The following CS variants were observed in gnomAD, a reference collection of about 807,000 sequenced individuals.
The protein encoded by CS is citrate synthase, mitochondrial.
A neutral mutation model predicts 61.4 loss-of-function variants in CS; 13 were observed. That is an observed-to-expected ratio of 0.21 (90% CI 0.14 to 0.34). The LOEUF is 0.34. Ranked by LOEUF, CS falls within the 10% of genes least tolerant of loss-of-function variation. CS has a pLI of 1.00. For synonymous variants in CS, 159 were observed against 215.2 expected (o/e 0.74, Z 2.29); for missense variants, 278 against 573.4 (o/e 0.48, Z 5.26).
intron 3 of CS, among the ~76,000 whole-genome samples, chr12:56,284,344 A>G (rs1434378946): frequency 2.7e-5 from 4 of 150,794 alleles, no homozygotes; most frequent in Non-Finnish European, 5.9e-5. Flanking sequence ...AAAAGAAAAA[A>G]AAAAACAAAC....
chr12:56,291,279 G>A (rs997848043), intron 1 of CS: 1 of 1,087,864 alleles, frequency 9.2e-7, no homozygotes, highest in Admixed American at 5.0e-5. Context: ...CAAGCCTGAG[G>A]CAGAGGTGAA....
intron 7 of CS, 140 bp from the exon 8 acceptor site, chr12:56,275,271 T>G: frequency 2.2e-5 from 22 of 991,442 alleles, no homozygotes; most frequent in African/African-American, 3.2e-5. Flanking sequence ...ACCTAAACTC[T>G]TGTAAAAGAC....
intron 6 of CS, among the ~76,000 whole-genome samples, chr12:56,279,135 G>A (rs184781265): frequency 2.4e-4 from 37 of 152,204 alleles, no homozygotes; most frequent in Admixed American, 1.3e-3. Context: ...ACAGCTTAAG[G>A]CTACTTCACA....
At chr12:56,300,098 G>A in intron 1 of CS, 62 bp downstream of exon 1, 2 of 1,511,472 alleles carry the variant, frequency 1.3e-6, no homozygotes, top group South Asian at 1.2e-5. Context: ...CCCGGCGCCG[G>A]AGGGCCTGCG....
chr12:56,283,025 T>G, intron 4 of CS, 34 bp from the exon 5 acceptor site: 2 of 1,612,466 alleles, frequency 1.2e-6, no homozygotes, highest in Non-Finnish European at 1.7e-6. Flanking sequence ...ACAACTCAAG[T>G]TTATAGCCTA....
chr12:56,273,543 G>A (rs1451457187), intron 10 of CS, 44 bp downstream of exon 10: 1 of 1,577,934 alleles, frequency 6.3e-7, no homozygotes, highest in Non-Finnish European at 8.7e-7. Flanking sequence ...ATAACAATAG[G>A]GTTTGGTACA....
At chr12:56,298,529 G>A (rs1303989495) in intron 1 of CS, 3 of 619,400 alleles carry the variant, frequency 4.8e-6, no homozygotes, top group Non-Finnish European at 6.1e-6. Flanking sequence ...TAGCAGCTCA[G>A]AAATGAGCTA....
intron 1 of CS, among the ~76,000 whole-genome samples, chr12:56,292,411 C>A (rs149281629): frequency 6.7e-6 from 1 of 148,850 alleles, no homozygotes; most frequent in Non-Finnish European, 1.5e-5. Flanking sequence ...AAAAAAAGTT[C>A]TAAGTTGCTA....
At chr12:56,273,945 C>A in intron 9 of CS, 149 bp from the exon 10 acceptor site, 1 of 666,904 alleles carries the variant, frequency 1.5e-6, no homozygotes, top group South Asian at 1.7e-5. Context: ...GCAATTCTCC[C>A]ACTTCAGCCT....
At chr12:56,299,989 G>A (rs972563454) in intron 1 of CS, 171 bp downstream of exon 1, 1 of 598,486 alleles carries the variant, frequency 1.7e-6, no homozygotes, top group South Asian at 2.2e-5. Context: ...CAGAAGGGAA[G>A]CGCGGCACAT....
intron 2 of CS, 153 bp downstream of exon 2, chr12:56,286,439 TATA>T (rs1872941015): frequency 1.0e-5 from 6 of 601,808 alleles, no homozygotes; most frequent in South Asian, 4.5e-5. Flanking sequence ...TAAATAGTAA[TATA>T]ATAATAATAG....
chr12:56,277,929 G>A (rs184038331), intron 6 of CS, among the ~76,000 whole-genome samples: 202 of 151,626 alleles, frequency 1.3e-3, no homozygotes, highest in South Asian at 3.6e-3. Flanking sequence ...GCACCCGGCC[G>A]AGGCTTCCAT....
intron 1 of CS, among the ~76,000 whole-genome samples, chr12:56,292,179 C>A (rs555090002): frequency 6.6e-6 from 1 of 150,776 alleles, no homozygotes; most frequent in Admixed American, 6.6e-5. Flanking sequence ...AGGCAGATCA[C>A]GGGGTCAGGA....
intron 3 of CS, chr12:56,285,069 T>C (rs898175305): frequency 1.1e-5 from 2 of 190,386 alleles, no homozygotes; most frequent in South Asian, 7.2e-5. Context: ...CTCAGGCTCC[T>C]GAGTAGCTGG....
In CS at chr12:56,300,289, C is replaced by G; in HGVS notation, c.-88G>C. Reference sequence around the variant, plus strand: ...GAGCCGCCGCCGCTGCACCAGAGGCCGCGCCGACGGGTTGACAAGGTTGAA... The same window carrying G: ...GAGCCGCCGCCGCTGCACCAGAGGCGGCGCCGACGGGTTGACAAGGTTGAA... On this transcript the variant is annotated 5_prime_UTR_variant, in exon 1 of 11. Coordinates refer to ENST00000351328, the MANE Select transcript of CS (RefSeq NM_004077.3). 7.2e-7 allele frequency: 1 copy of G among 1,379,708 alleles called. No homozygotes were observed. The highest frequency in any genetic ancestry group is 9.9e-7 in the Non-Finnish European group (1 of 1,011,452). The allele number at this position is 1,379,708 out of a possible 1,614,324, so 85.5% of individuals were successfully genotyped here.
intron 6 of CS, among the ~76,000 whole-genome samples, chr12:56,280,433 A>AAC (rs1872746943): frequency 1.4e-5 from 2 of 147,704 alleles, no homozygotes; most frequent in African/African-American, 4.9e-5. Context: ...AACAAAAAAA[A>AAC]AAAACAAAAA....
chr12:56,293,435 G>A (rs978329025), intron 1 of CS, among the ~76,000 whole-genome samples: 1 of 152,194 alleles, frequency 6.6e-6, no homozygotes, highest in Non-Finnish European at 1.5e-5. Flanking sequence ...TTAGAAAACA[G>A]GCTGGACACG....
At chr12:56,276,927 C>T (rs926290963) in intron 6 of CS, among the ~76,000 whole-genome samples, 7 of 152,138 alleles carry the variant, frequency 4.6e-5, no homozygotes, top group Admixed American at 6.5e-5. Flanking sequence ...CAGCCAGACA[C>T]GGCAGCTCAT....
chr12:56,286,195 T>C, intron 2 of CS, 172 bp from the exon 3 acceptor site: 1 of 601,616 alleles, frequency 1.7e-6, no homozygotes. Context: ...GAAGAAGGAA[T>C]GAGGAGTTAA....
Sources: allele counts gnomAD v4.1 joint callset (sites outside exome capture counted in the v4.1 genomes callset), GRCh38; gene constraint gnomAD v4.1.1; transcripts MANE v1.5; gene names NCBI Gene and HGNC (gene_info 2026-07-23, HGNC 2026-07-21).